The following CSMD3 variants were observed in gnomAD, a reference collection of about 807,000 sequenced individuals.
The protein encoded by CSMD3 is CUB and Sushi multiple domains 3.
CSMD3 carries 177 observed loss-of-function variants against 435.2 expected under a neutral mutation model. The ratio of observed to expected loss-of-function variants is 0.41; its 90% CI spans 0.36 to 0.46. The LOEUF (loss-of-function observed/expected upper bound fraction) is 0.46. Ranked by LOEUF, CSMD3 falls within the 20% of genes least tolerant of loss-of-function variation. CSMD3 has a pLI of 0.34. For synonymous variants in CSMD3, 1,656 were observed against 1,520.5 expected (o/e 1.09, Z -2.07); for missense variants, 4,265 against 4,504.6 (o/e 0.95, Z 1.52).
At chr8:112,501,094 C>T (rs570037225) in intron 30 of CSMD3, among the ~76,000 whole-genome samples, 175 of 151,876 alleles carry the variant, frequency 1.2e-3, no homozygotes, top group Non-Finnish European at 2.0e-3. Context: ...GAGAGCTGTC[C>T]TCCTTTGTCT....
At chr8:112,523,364 T>A (rs191953559) in intron 27 of CSMD3, among the ~76,000 whole-genome samples, 4 of 152,028 alleles carry the variant, frequency 2.6e-5, no homozygotes, top group African/African-American at 7.2e-5. Context: ...CATAATCCTA[T>A]GAAAATACAA....
At chr8:112,496,967 G>A (rs1272227704) in intron 30 of CSMD3, among the ~76,000 whole-genome samples, 1 of 152,202 alleles carries the variant, frequency 6.6e-6, no homozygotes, top group Admixed American at 6.5e-5. Flanking sequence ...TTGATTGTTT[G>A]TAACACAAAG....
intron 1 of CSMD3, among the ~76,000 whole-genome samples, chr8:113,434,018 G>A (rs1438479384): frequency 6.6e-6 from 1 of 152,202 alleles, no homozygotes; most frequent in Non-Finnish European, 1.5e-5. Context: ...GAAATGAAAT[G>A]CCAAGGAAAG....
At chr8:112,534,516 T>G (rs1016589021) in intron 27 of CSMD3, among the ~76,000 whole-genome samples, 28 of 152,220 alleles carry the variant, frequency 1.8e-4, no homozygotes, top group Non-Finnish European at 1.9e-4. Context: ...AATTACAGGC[T>G]CTGAAATTGT....
At chr8:112,428,091 C>A (rs1813269122) in intron 32 of CSMD3, among the ~76,000 whole-genome samples, 2 of 152,140 alleles carry the variant, frequency 1.3e-5, no homozygotes, top group South Asian at 4.1e-4. Context: ...TATCTAGAAT[C>A]CTGGCACCAT....
chr8:113,163,286 T>C (rs1329462063), intron 4 of CSMD3, among the ~76,000 whole-genome samples: 4 of 152,036 alleles, frequency 2.6e-5, no homozygotes, highest in South Asian at 2.1e-4. Flanking sequence ...GCAACTGCAT[T>C]GTCAATGACC....
intron 5 of CSMD3, among the ~76,000 whole-genome samples, chr8:113,082,880 CTT>C (rs1282603319): frequency 6.6e-6 from 1 of 152,004 alleles, no homozygotes; most frequent in Non-Finnish European, 1.5e-5. Context: ...AAAGACAAGT[CTT>C]TTGAAATAAC....
At chr8:112,754,072 A>G (rs1563927871) in intron 13 of CSMD3, among the ~76,000 whole-genome samples, 1 of 152,350 alleles carries the variant, frequency 6.6e-6, no homozygotes, top group East Asian at 1.9e-4. Context: ...CTTGACAGAA[A>G]GCTGTTAGAA....
At chr8:113,025,124 T>G (rs1214346115) in intron 5 of CSMD3, among the ~76,000 whole-genome samples, 1 of 152,210 alleles carries the variant, frequency 6.6e-6, no homozygotes, top group African/African-American at 2.4e-5. Context: ...CTTTCTTTAG[T>G]GTCTGCTACT....
intron 1 of CSMD3, among the ~76,000 whole-genome samples, chr8:113,343,783 G>T (rs547897833): frequency 6.6e-6 from 1 of 152,148 alleles, no homozygotes; most frequent in East Asian, 1.9e-4. Flanking sequence ...AAAAATAATT[G>T]CACTCAAGCC....
chr8:112,929,939 AT>A (rs2083052554), intron 9 of CSMD3, among the ~76,000 whole-genome samples: 1 of 152,132 alleles, frequency 6.6e-6, no homozygotes, highest in Admixed American at 6.6e-5. Flanking sequence ...TTAAATGAAG[AT>A]CTATGTTTGG....
chr8:113,076,905 T>C (rs2089362058), intron 5 of CSMD3, among the ~76,000 whole-genome samples: 1 of 152,160 alleles, frequency 6.6e-6, no homozygotes, highest in Non-Finnish European at 1.5e-5. Flanking sequence ...TATCACAAGA[T>C]GGTTTGAAAA....
At chr8:112,522,917 A>C (rs1012660501) in intron 27 of CSMD3, among the ~76,000 whole-genome samples, 1 of 151,968 alleles carries the variant, frequency 6.6e-6, no homozygotes, top group Non-Finnish European at 1.5e-5. Context: ...GAGCTGGTGC[A>C]TATGTAGTTT....
rs2130916355 is a variant in CSMD3, at chr8:112,503,941, G to C, written c.4932C>G (p.Ile1644Met). ...SIEPNYDFLY[I>M]YDGPDSNSPL... is the part of the protein sequence containing the mutation. ...GGCTATTACTGTCTGGTCCATCATA[G>C]ATATAGAGGAAGTCATAGTTTGGTT... The change falls in exon 30 of 71, where the codon ATC (isoleucine) becomes ATG (methionine). Residue 1644 changes from isoleucine (I) to methionine (M), a missense_variant. Ile to Met is a conservative substitution (Grantham distance 10). This residue lies in a region of CSMD3 where 3,255 missense variants were observed against 3,380.2 expected (regional missense o/e 0.96). Coordinates refer to ENST00000297405, the MANE Select transcript of CSMD3 (RefSeq NM_198123.2). The C allele has an allele frequency of 6.2e-7, 1 of 1,608,548 alleles. No homozygotes were observed. Among genetic ancestry groups the C allele is most frequent in the African/African-American group, 1.3e-5 (1 of 74,470 alleles).
At chr8:112,301,564 G>A (rs1332006316) in intron 53 of CSMD3, among the ~76,000 whole-genome samples, 2 of 152,088 alleles carry the variant, frequency 1.3e-5, no homozygotes, top group African/African-American at 4.8e-5. Flanking sequence ...TTTTCACCAT[G>A]CCTGGAAGAA....
chr8:112,656,424 C>T (rs1205474844), intron 17 of CSMD3, 83 bp from the exon 18 acceptor site: 3 of 1,022,396 alleles, frequency 2.9e-6, no homozygotes, highest in African/African-American at 1.7e-5. Flanking sequence ...TATTTAAATT[C>T]CTATTTAAAA....
chr8:113,296,907 G>A (rs1488799021), intron 2 of CSMD3, among the ~76,000 whole-genome samples: 1 of 152,152 alleles, frequency 6.6e-6, no homozygotes, highest in South Asian at 2.1e-4. Context: ...AAAATTTAGT[G>A]GCTTCAAGTT....
intron 1 of CSMD3, among the ~76,000 whole-genome samples, chr8:113,376,460 C>A (rs1404503721): frequency 1.3e-5 from 2 of 151,916 alleles, no homozygotes; most frequent in Non-Finnish European, 2.9e-5. Context: ...TCATTTCATT[C>A]AAAAACTGGG....
At chr8:112,354,251 G>T (rs957574246) in intron 38 of CSMD3, among the ~76,000 whole-genome samples, 1 of 152,050 alleles carries the variant, frequency 6.6e-6, no homozygotes, top group African/African-American at 2.4e-5. Context: ...TACTGAGTGG[G>T]CAAAAGCTGG....
Sources: allele counts gnomAD v4.1 joint callset (sites outside exome capture counted in the v4.1 genomes callset), GRCh38; gene constraint gnomAD v4.1.1; regional missense constraint gnomAD v4.1.1; transcripts MANE v1.5; gene names NCBI Gene and HGNC (gene_info 2026-07-23, HGNC 2026-07-21).